TEAD4: variants seen among roughly 807,000 people sequenced by gnomAD.
TEAD4 encodes the protein transcriptional enhancer factor TEF-3.
TEAD4 carries 36 observed loss-of-function variants against 52.4 expected under a neutral mutation model. The observed-to-expected ratio is 0.69, with a 90% CI of 0.53 to 0.91. The LOEUF (loss-of-function observed/expected upper bound fraction) is 0.91, where lower values mean the gene tolerates loss of function less well. Among genes scored for constraint, TEAD4 ranks in the 40% least tolerant of loss-of-function variants. The probability of loss-of-function intolerance (pLI) is 0.00; values close to 1 mark genes in which losing one functional copy is unlikely to be tolerated. For missense variants in TEAD4, 508 were observed against 583.9 expected (o/e 0.87, Z 1.34); for synonymous variants, 220 against 231.0 (o/e 0.95, Z 0.43).
intron 10 of TEAD4, among the ~76,000 whole-genome samples, chr12:3,023,752 C>A (rs145856762): frequency 1.3e-3 from 202 of 149,656 alleles, no homozygotes; most frequent in Middle Eastern, 6.8e-3. Context: ...AGATGGCGGC[C>A]ACTGCATTCC....
chr12:3,004,446 G>A (rs1313254733), intron 3 of TEAD4, among the ~76,000 whole-genome samples: 1 of 152,140 alleles, frequency 6.6e-6, no homozygotes, highest in Non-Finnish European at 1.5e-5. Context: ...GAGTCACGTG[G>A]TCCAGCCCTG....
intron 3 of TEAD4, among the ~76,000 whole-genome samples, chr12:2,999,748 G>A (rs1366391555): frequency 6.6e-6 from 1 of 152,180 alleles, no homozygotes; most frequent in Non-Finnish European, 1.5e-5. Flanking sequence ...GCCTAGCCTA[G>A]CGTGCAGGTG....
At chr12:3,029,342 A>G (rs2098274063) in intron 10 of TEAD4, among the ~76,000 whole-genome samples, 1 of 145,582 alleles carries the variant, frequency 6.9e-6, no homozygotes, top group Non-Finnish European at 1.5e-5. Flanking sequence ...GGTTCACGCC[A>G]TTCTTGTGCC....
intron 10 of TEAD4, among the ~76,000 whole-genome samples, chr12:3,024,222 C>T (rs546342874): frequency 1.3e-5 from 2 of 152,014 alleles, no homozygotes; most frequent in South Asian, 4.2e-4. Context: ...CTACAGGCAC[C>T]CGCCACCACG....
chr12:2,977,720 C>T (rs754995530), intron 2 of TEAD4, among the ~76,000 whole-genome samples: 5 of 152,182 alleles, frequency 3.3e-5, no homozygotes, highest in Non-Finnish European at 5.9e-5. Flanking sequence ...GACTCTGAGG[C>T]GTCTTTAACA....
At chr12:2,968,270 A>G (rs2098222111) in intron 2 of TEAD4, among the ~76,000 whole-genome samples, 1 of 150,930 alleles carries the variant, frequency 6.6e-6, no homozygotes, top group African/African-American at 2.4e-5. Flanking sequence ...ATTTTTAGTA[A>G]AGATAGGGTT....
intron 3 of TEAD4, among the ~76,000 whole-genome samples, chr12:3,009,438 TAAAAA>T (rs1434052141): frequency 6.6e-6 from 1 of 150,938 alleles, no homozygotes; most frequent in Non-Finnish European, 1.5e-5. Context: ...CTAAAAAAAA[TAAAAA>T]ATAAAAATAA....
At chr12:2,977,061 G>T (rs1287288773) in intron 2 of TEAD4, among the ~76,000 whole-genome samples, 1 of 129,646 alleles carries the variant, frequency 7.7e-6, no homozygotes, top group East Asian at 2.3e-4. Context: ...CGTGCAAGGA[G>T]CCCCTTTTTG....
intron 8 of TEAD4, among the ~76,000 whole-genome samples, chr12:3,020,400 G>A (rs2153957394): frequency 6.6e-6 from 1 of 152,002 alleles, no homozygotes; most frequent in Middle Eastern, 3.4e-3. Flanking sequence ...CATGCAGAGT[G>A]CTGAGTGGCC....
chr12:2,982,074 T>G (rs1434624953), intron 2 of TEAD4, among the ~76,000 whole-genome samples: 1 of 151,840 alleles, frequency 6.6e-6, no homozygotes, highest in African/African-American at 2.4e-5. Flanking sequence ...GGACGTCAGG[T>G]TGGCCTGGGG....
intron 2 of TEAD4, among the ~76,000 whole-genome samples, chr12:2,973,091 G>T (rs1389454901): frequency 1.3e-5 from 2 of 149,730 alleles, no homozygotes; most frequent in African/African-American, 5.1e-5. Flanking sequence ...ATGGAATCAT[G>T]CAGTTACATA....
intron 2 of TEAD4, among the ~76,000 whole-genome samples, chr12:2,986,040 C>T (rs1408576263): frequency 2.6e-5 from 4 of 151,776 alleles, no homozygotes; most frequent in African/African-American, 2.4e-5. Context: ...GAGCTGAGAT[C>T]GCGTCACTGC....
At chr12:3,011,163 G>A (rs1368820559) in intron 4 of TEAD4, 95 bp downstream of exon 4, 1 of 1,284,014 alleles carries the variant, frequency 7.8e-7, no homozygotes, top group Non-Finnish European at 1.1e-6. Flanking sequence ...CCAGACGCAG[G>A]CTTTTGAGGG....
chr12:3,007,480 A>G (rs578003092), intron 3 of TEAD4, among the ~76,000 whole-genome samples: 18 of 152,332 alleles, frequency 1.2e-4, no homozygotes, highest in Admixed American at 4.6e-4. Flanking sequence ...TTACCTGCCC[A>G]CTGCAGGGAG....
intron 2 of TEAD4, among the ~76,000 whole-genome samples, chr12:2,975,151 GAA>G (rs2098228454): frequency 7.2e-6 from 1 of 138,082 alleles, no homozygotes; most frequent in African/African-American, 2.7e-5. Context: ...GCCCCGAGGA[GAA>G]AAAGTCTCTC....
chr12:2,992,799 G>C (rs1441228129), intron 2 of TEAD4, among the ~76,000 whole-genome samples: 1 of 152,142 alleles, frequency 6.6e-6, no homozygotes, highest in South Asian at 2.1e-4. Context: ...TTCCCAGCTG[G>C]TACTCATAAC....
intron 10 of TEAD4, among the ~76,000 whole-genome samples, chr12:3,025,801 T>C (rs566786685): frequency 2.2e-4 from 34 of 152,320 alleles, no homozygotes; most frequent in Admixed American, 1.0e-3. Context: ...CCTTCCAAAT[T>C]GCTGGGATTA....
intron 2 of TEAD4, among the ~76,000 whole-genome samples, chr12:2,971,526 A>C (rs2098224992): frequency 6.6e-6 from 1 of 151,612 alleles, no homozygotes; most frequent in Non-Finnish European, 1.5e-5. Flanking sequence ...CCCAGGCTGG[A>C]GTGCTGTGGT....
chr12:2,985,384 C>CA (rs869108463), intron 2 of TEAD4, among the ~76,000 whole-genome samples: 10 of 144,382 alleles, frequency 6.9e-5, no homozygotes, highest in Non-Finnish European at 1.2e-4. Context: ...GACTCTGTCT[C>CA]AAAAAAAACA....
Sources: gnomAD v4.1 joint callset for allele counts (sites outside exome capture counted in the v4.1 genomes callset) on GRCh38, gnomAD v4.1.1 for gene constraint, MANE v1.5 for transcripts, NCBI Gene and HGNC (gene_info 2026-07-23, HGNC 2026-07-21) for gene names.